FREM1: variants seen among roughly 807,000 people sequenced by gnomAD.
FREM1 encodes the protein FRAS1-related extracellular matrix protein 1.
In FREM1, 220 loss-of-function variants were observed where a neutral mutation model predicts 210.1. That is an observed-to-expected ratio of 1.05 (90% CI 0.94 to 1.17). FREM1 has a LOEUF of 1.17. Ranked by LOEUF, FREM1 falls within the 50% of genes most tolerant of loss-of-function variation. FREM1 has a pLI of 0.00. For missense variants in FREM1, 3,454 were observed against 2,675.5 expected, an observed-to-expected ratio of 1.29 and a Z score of -6.42; for synonymous variants, 1,189 against 980.2, an observed-to-expected ratio of 1.21 and a Z score of -3.98.
At chr9:14,857,965 AC>A (rs1829101653) in intron 4 of FREM1, among the ~76,000 whole-genome samples, 1 of 152,118 alleles carries the variant, frequency 6.6e-6, no homozygotes, top group Admixed American at 6.5e-5. Flanking sequence ...TCGTGCCCTC[AC>A]CCACCAAAAG....
intron 20 of FREM1, 97 bp downstream of exon 20, chr9:14,801,555 G>T: frequency 1.2e-6 from 1 of 816,876 alleles, no homozygotes; most frequent in South Asian, 1.7e-5. Flanking sequence ...TCTACTCTCT[G>T]CTTATATTAG....
At chr9:14,848,847 A>G in intron 6 of FREM1, 74 bp from the exon 7 acceptor site, 1 of 827,692 alleles carries the variant, frequency 1.2e-6, no homozygotes, top group East Asian at 2.5e-5. Flanking sequence ...TCTGGGTTAT[A>G]CCCACACACA....
chr9:14,844,937 C>G (rs1040322219), intron 8 of FREM1, among the ~76,000 whole-genome samples: 3 of 152,206 alleles, frequency 2.0e-5, no homozygotes, highest in African/African-American at 7.2e-5. Flanking sequence ...CAAGCGAACA[C>G]CCAACCTGAC....
At chr9:14,877,872 T>C (rs1834062770) in intron 1 of FREM1, among the ~76,000 whole-genome samples, 1 of 152,190 alleles carries the variant, frequency 6.6e-6, no homozygotes, top group African/African-American at 2.4e-5. Context: ...ATTTGTATTG[T>C]TTTAAGCCAC....
intron 5 of FREM1, 50 bp downstream of exon 5, chr9:14,857,503 C>A (rs773907118): frequency 1.4e-6 from 2 of 1,469,900 alleles, no homozygotes; most frequent in African/African-American, 2.8e-5. Context: ...GTGTAACTGG[C>A]TCTCTTACTG....
intron 24 of FREM1, among the ~76,000 whole-genome samples, chr9:14,780,449 A>AAAAAAAAAAAAAAAAAAAAC: frequency 6.6e-6 from 1 of 151,280 alleles, no homozygotes; most frequent in Middle Eastern, 3.2e-3. Context: ...AAAAAAAAAA[A>AAAAAAAAAAAAAAAAAAAAC]AGTCCAGCCG....
At chr9:14,803,716 C>T (rs182360650) in intron 19 of FREM1, among the ~76,000 whole-genome samples, 30 of 152,096 alleles carry the variant, frequency 2.0e-4, no homozygotes, top group Non-Finnish European at 1.8e-4. Flanking sequence ...TGAAGGGCAC[C>T]CTCCTGCAAC....
At position 14,789,860 on chromosome 9, in the gene FREM1, A is replaced by G. The variant is rs1444924044; in HGVS notation, c.3982-746T>C. 2.0e-5 allele frequency among the ~76,000 whole-genome samples: 3 copies of G among 152,298 alleles called. No homozygotes were observed. In the East Asian group the frequency reaches 5.8e-4, roughly 29 times the overall value. ...GGCTAACAACTGACAGTGTTAGAAA[A>G]TGTAATCATAAATCTTTATTATCTT... On this transcript the variant is annotated intron_variant, in intron 22 of 36. Coordinates refer to ENST00000380880, the MANE Select transcript of FREM1 (RefSeq NM_001379081.2).
intron 1 of FREM1, among the ~76,000 whole-genome samples, chr9:14,888,879 T>C (rs1311347112): frequency 6.6e-6 from 1 of 152,236 alleles, no homozygotes; most frequent in Non-Finnish European, 1.5e-5. Flanking sequence ...AAGAAAGGCA[T>C]GCTCATTAAT....
At chr9:14,875,318 G>A (rs977207054) in intron 1 of FREM1, among the ~76,000 whole-genome samples, 1 of 152,184 alleles carries the variant, frequency 6.6e-6, no homozygotes, top group African/African-American at 2.4e-5. Flanking sequence ...ACACCAATCA[G>A]ACGTAGATTT....
intron 1 of FREM1, among the ~76,000 whole-genome samples, chr9:14,892,298 T>C (rs1218580104): frequency 1.3e-5 from 2 of 152,152 alleles, no homozygotes; most frequent in African/African-American, 4.8e-5. Flanking sequence ...GAAAATCATT[T>C]GCACACACAA....
At chr9:14,891,975 A>G (rs1374803801) in intron 1 of FREM1, among the ~76,000 whole-genome samples, 7 of 152,146 alleles carry the variant, frequency 4.6e-5, no homozygotes, top group African/African-American at 1.7e-4. Context: ...CTGTCTATGG[A>G]GTAGCCATTC....
At position 14,748,420 on chromosome 9, in the gene FREM1, G is replaced by C; in HGVS notation, c.5777C>G (p.Thr1926Ser). 1 of 1,610,608 alleles carries C rather than the reference G, an allele frequency of 6.2e-7. No individual in the cohort carries two copies. The highest frequency in any genetic ancestry group is 8.5e-7 in the Non-Finnish European group (1 of 1,176,968). The change falls in exon 31 of 37, where the codon ACC becomes AGC. Residue 1926 changes from threonine to serine, a missense_variant. Coordinates refer to ENST00000380880, the MANE Select transcript of FREM1 (RefSeq NM_001379081.2). ...STDLSQRKLR[T>S]RGNGKTVRPS... The stretch of plus-strand genomic sequence containing the variant: ...CCTTACTGTTTTGCCATTCCCACGG[G>C]TCCTAAGCTTCCTTTGAGAAAGATC...
At chr9:14,741,340 A>AT (rs1040573698) in intron 35 of FREM1, among the ~76,000 whole-genome samples, 2 of 152,132 alleles carry the variant, frequency 1.3e-5, no homozygotes, top group African/African-American at 4.8e-5. Flanking sequence ...TAATTTGTCT[A>AT]TTTTTAAAGG....
At chr9:14,751,087 G>C (rs926204619) in intron 29 of FREM1, among the ~76,000 whole-genome samples, 4 of 152,254 alleles carry the variant, frequency 2.6e-5, no homozygotes, top group African/African-American at 9.6e-5. Context: ...ATCTCATCCT[G>C]ACCAGTTTCT....
intron 1 of FREM1, among the ~76,000 whole-genome samples, chr9:14,875,606 T>C (rs565134690): frequency 2.0e-5 from 3 of 152,340 alleles, no homozygotes; most frequent in Admixed American, 6.5e-5. Context: ...TTAACTTCTT[T>C]GCCTTTGGTT....
intron 16 of FREM1, among the ~76,000 whole-genome samples, chr9:14,811,037 T>C (rs758479207): frequency 3.3e-5 from 5 of 152,192 alleles, no homozygotes; most frequent in Non-Finnish European, 7.3e-5. Context: ...CACTGAAACC[T>C]CAGATCCTAC....
chr9:14,842,563 G>A lies in FREM1; in HGVS notation c.1491C>T (p.Phe497=), dbSNP rs750548270. ...TGCTGTGATGGCCATCAAATATCCGGAAGACCACGAAGTCTTTGGTGGAGT... is the reference window on the plus strand; with the variant it reads ...TGCTGTGATGGCCATCAAATATCCGAAAGACCACGAAGTCTTTGGTGGAGT... The part of the protein sequence containing the change: ...DSDSTKDFVV[F]RIFDGHHSIR... Residue 497 remains phenylalanine, a synonymous_variant, in exon 9 of 37, where the codon TTC becomes TTT. Transcript: ENST00000380880. 2 of 1,613,970 alleles carry A rather than the reference G, an allele frequency of 1.2e-6. No individual in the cohort carries two copies. Among genetic ancestry groups the A allele is most frequent in the Non-Finnish European group, 8.5e-7 (1 of 1,179,830 alleles).
At chr9:14,813,799 C>T (rs1464698182) in intron 15 of FREM1, among the ~76,000 whole-genome samples, 2 of 152,188 alleles carry the variant, frequency 1.3e-5, no homozygotes, top group Non-Finnish European at 2.9e-5. Flanking sequence ...GAGTTCACAG[C>T]CACAACTTGG....
Sources: allele counts gnomAD v4.1 joint callset (sites outside exome capture counted in the v4.1 genomes callset), GRCh38; gene constraint gnomAD v4.1.1; transcripts MANE v1.5; gene names NCBI Gene and HGNC (gene_info 2026-07-23, HGNC 2026-07-21).